The following CRPPA variants were observed in gnomAD, a reference collection of about 807,000 sequenced individuals.
CRPPA encodes D-ribitol-5-phosphate cytidylyltransferase.
Under a neutral mutation model 52.0 loss-of-function variants are expected in CRPPA, and 43 were observed. The ratio of observed to expected loss-of-function variants is 0.83; its 90% CI spans 0.65 to 1.07. The LOEUF is 1.07. Among genes scored for constraint, CRPPA ranks in the 50% least tolerant of loss-of-function variants. The probability of loss-of-function intolerance (pLI) is 0.00; values close to 1 mark genes in which losing one functional copy is unlikely to be tolerated. For missense variants in CRPPA, 629 were observed against 551.7 expected (o/e 1.14, Z -1.40); for synonymous variants, 250 against 203.5 (o/e 1.23, Z -1.94).
chr7:16,087,916 T>C lies in CRPPA; in HGVS notation c.*3779A>G, dbSNP rs963316264. The C allele has an allele frequency of 2.6e-5, 4 of 152,198 alleles. No homozygotes were observed. Among genetic ancestry groups the C allele is most frequent in the African/African-American group, 9.6e-5 (4 of 41,470 alleles). The allele number at this position is 152,198 out of a possible 1,614,324, so 9.4% of individuals were successfully genotyped here. A position where few individuals can be genotyped will look rare whatever the true frequency, so the allele number is the denominator to read the frequency against. On this transcript the variant is annotated 3_prime_UTR_variant, in exon 10 of 10. Transcript: ENST00000407010. Reference sequence around the variant, plus strand: ...CAAATTTACAGATTTTAAGACATTCTGTAATTTGATTTTTATAAGATGATC... The same window carrying C: ...CAAATTTACAGATTTTAAGACATTCCGTAATTTGATTTTTATAAGATGATC...
intron 8 of CRPPA, among the ~76,000 whole-genome samples, chr7:16,234,880 AG>A (rs1292816850): frequency 6.6e-6 from 1 of 152,116 alleles, no homozygotes; most frequent in Non-Finnish European, 1.5e-5. Flanking sequence ...AATTAAAAAA[AG>A]AAGGTGTTTC....
chr7:16,380,359 A>G (rs1360559775), intron 2 of CRPPA, among the ~76,000 whole-genome samples: 2 of 152,020 alleles, frequency 1.3e-5, no homozygotes, highest in African/African-American at 4.8e-5. Flanking sequence ...CATGGTGGAT[A>G]AGCTTTTTGA....
At chr7:16,398,922 G>A (rs943895960) in intron 2 of CRPPA, among the ~76,000 whole-genome samples, 6 of 152,288 alleles carry the variant, frequency 3.9e-5, no homozygotes, top group Middle Eastern at 3.4e-3. Context: ...ACACATGATC[G>A]AGTCGTTACT....
At chr7:16,314,739 C>G (rs1252740202) in intron 3 of CRPPA, among the ~76,000 whole-genome samples, 1 of 152,050 alleles carries the variant, frequency 6.6e-6, no homozygotes, top group African/African-American at 2.4e-5. Flanking sequence ...TATTTTCTTC[C>G]TGCCTGCATG....
intron 9 of CRPPA, among the ~76,000 whole-genome samples, chr7:16,117,355 A>G (rs1406000201): frequency 6.6e-6 from 1 of 152,134 alleles, no homozygotes; most frequent in Non-Finnish European, 1.5e-5. Flanking sequence ...AGTCATATCT[A>G]CATGTGGAAC....
At chr7:16,390,288 T>G (rs1016151228) in intron 2 of CRPPA, among the ~76,000 whole-genome samples, 1 of 152,118 alleles carries the variant, frequency 6.6e-6, no homozygotes, top group Non-Finnish European at 1.5e-5. Context: ...TCGATATATA[T>G]CTTCTTCCAG....
intron 9 of CRPPA, among the ~76,000 whole-genome samples, chr7:16,164,776 C>G (rs1025241430): frequency 4.6e-5 from 7 of 152,194 alleles, no homozygotes; most frequent in African/African-American, 1.7e-4. Flanking sequence ...TTCTGCAGGT[C>G]TGCTGGAGCT....
chr7:16,405,186 C>A (rs1197591729), intron 2 of CRPPA, among the ~76,000 whole-genome samples: 1 of 151,856 alleles, frequency 6.6e-6, no homozygotes, highest in Non-Finnish European at 1.5e-5. Flanking sequence ...GAAACTATTA[C>A]ATAGATGTTA....
intron 3 of CRPPA, among the ~76,000 whole-genome samples, chr7:16,367,886 A>G (rs1786645954): frequency 6.6e-6 from 1 of 152,186 alleles, no homozygotes; most frequent in African/African-American, 2.4e-5. Flanking sequence ...ACATGTCTCC[A>G]TCGTCAAGTC....
chr7:16,286,044 A>AAAAT (rs1784429583), intron 5 of CRPPA, among the ~76,000 whole-genome samples: 1 of 12,546 alleles, frequency 8.0e-5, no homozygotes, highest in Non-Finnish European at 1.2e-4. Context: ...AAAAAATATA[A>AAAAT]ATATATATAT....
In CRPPA at chr7:16,308,601, T is replaced by C. The variant is rs776514675; in HGVS notation, c.711A>G (p.Gly237=). Reference sequence around the variant, plus strand: ...TTAGGGCCAATTGCAAACACTCAGTTCCAAATTCCAAGTCATAGTCACTAC... The same window carrying C: ...TTAGGGCCAATTGCAAACACTCAGTCCCAAATTCCAAGTCATAGTCACTAC... ...QQCSDYDLEF[G]TECLQLALKY... Residue 237 remains glycine (G), a synonymous_variant, in exon 4 of 10, where the codon GGA becomes GGG. Transcript: ENST00000407010. 4.4e-6 allele frequency: 7 copies of C among 1,608,810 alleles called. No homozygotes were observed. The highest frequency in any genetic ancestry group is 1.7e-6 in the Non-Finnish European group (2 of 1,176,628).
intron 9 of CRPPA, among the ~76,000 whole-genome samples, chr7:16,164,326 A>C (rs1004099175): frequency 2.0e-5 from 3 of 152,160 alleles, no homozygotes; most frequent in African/African-American, 7.2e-5. Flanking sequence ...TGTATGATTC[A>C]TGAAGTTCTT....
chr7:16,308,556 G>C lies in CRPPA; in HGVS notation c.756C>G (p.Ala252=). Residue 252 remains alanine, a synonymous_variant, in exon 4 of 10, where the codon GCC becomes GCG. Transcript: ENST00000407010. ...GGTCAGGTGATCCTTCTACAAGTTT[G>C]GCTTTAGTGCAACAGTATTTTAGGG... ...QLALKYCCTK[A]KLVEGSPDLW... 6.2e-7 allele frequency: 1 copy of C among 1,609,776 alleles called. No individual in the cohort carries two copies. Among genetic ancestry groups the C allele is most frequent in the Non-Finnish European group, 8.5e-7 (1 of 1,177,416 alleles).
At chr7:16,249,594 G>A (rs910122190) in intron 8 of CRPPA, among the ~76,000 whole-genome samples, 1 of 152,216 alleles carries the variant, frequency 6.6e-6, no homozygotes, top group African/African-American at 2.4e-5. Flanking sequence ...AACAAGGTCT[G>A]AAGTGGACTT....
intron 2 of CRPPA, among the ~76,000 whole-genome samples, chr7:16,389,926 AAAATAT>A (rs1281554947): frequency 3.6e-5 from 2 of 55,032 alleles, no homozygotes; most frequent in Admixed American, 2.3e-4. Flanking sequence ...AAAAAAAAAA[AAAATAT>A]ATATATATAT....
chr7:16,273,126 A>G (rs1784126337), intron 6 of CRPPA, among the ~76,000 whole-genome samples: 2 of 78,300 alleles, frequency 2.6e-5, no homozygotes, highest in South Asian at 9.8e-4. Context: ...TCCCCCCATC[A>G]AAGGGTTATT....
chr7:16,318,187 T>G (rs1785187383), intron 3 of CRPPA, among the ~76,000 whole-genome samples: 1 of 152,174 alleles, frequency 6.6e-6, no homozygotes, highest in African/African-American at 2.4e-5. Flanking sequence ...TAGACTACTC[T>G]TATCAACAAG....
Position 16,111,037 on chromosome 7 carries a change from T to C in CRPPA, c.1252-19238A>G, listed in dbSNP as rs937392168. Among the ~76,000 whole-genome samples, 12 of 152,186 alleles carry C rather than the reference T, an allele frequency of 7.9e-5. No homozygotes were observed. The East Asian group carries it at 2.1e-3, about 27-fold the overall frequency. Reference sequence around the variant, plus strand: ...CCATATACCCAATAAGAGGTTAATATTTAAAATATTTAAGTAGCTCAAACA... The same window carrying C: ...CCATATACCCAATAAGAGGTTAATACTTAAAATATTTAAGTAGCTCAAACA... On this transcript the variant is annotated intron_variant, in intron 9 of 9. Coordinates refer to ENST00000407010, the MANE Select transcript of CRPPA (RefSeq NM_001101426.4).
At chr7:16,336,441 T>G (rs7807166) in intron 3 of CRPPA, among the ~76,000 whole-genome samples, 34,437 of 151,838 alleles carry the variant, frequency 0.23, 4,296 homozygotes, top group Non-Finnish European at 0.3. Flanking sequence ...ATAAAAATAT[T>G]TTATGTAAGC....
Sources: gnomAD v4.1 joint callset for allele counts (sites outside exome capture counted in the v4.1 genomes callset) on GRCh38, gnomAD v4.1.1 for gene constraint, MANE v1.5 for transcripts, NCBI Gene and HGNC (gene_info 2026-07-23, HGNC 2026-07-21) for gene names.